The following TG variants were observed in gnomAD, a reference collection of about 807,000 sequenced individuals.
TG encodes thyroid hormones.
Under a neutral mutation model 324.7 loss-of-function variants are expected in TG, and 270 were observed. The ratio of observed to expected loss-of-function variants is 0.83; its 90% CI spans 0.75 to 0.92. The LOEUF (loss-of-function observed/expected upper bound fraction) is 0.92, where lower values mean the gene tolerates loss of function less well. Ranked by LOEUF, TG falls within the 40% of genes least tolerant of loss-of-function variation. TG has a pLI of 0.00. For synonymous variants in TG, 1,401 were observed against 1,327.0 expected (o/e 1.06, Z -1.21); for missense variants, 3,591 against 3,456.4 (o/e 1.04, Z -0.98).
chr8:133,003,477 A>G (rs1044926605), intron 35 of TG, among the ~76,000 whole-genome samples: 1 of 151,204 alleles, frequency 6.6e-6, no homozygotes, highest in Non-Finnish European at 1.5e-5. Flanking sequence ...AATGTGCCAT[A>G]TGTTAACTAT....
intron 11 of TG, among the ~76,000 whole-genome samples, chr8:132,897,232 T>G (rs1223793292): frequency 2.0e-5 from 3 of 152,216 alleles, no homozygotes; most frequent in Non-Finnish European, 4.4e-5. Flanking sequence ...TCTCATCCAT[T>G]AAATGGGATA....
At chr8:133,014,920 C>G (rs1834881359) in intron 37 of TG, among the ~76,000 whole-genome samples, 2 of 152,170 alleles carry the variant, frequency 1.3e-5, no homozygotes, top group African/African-American at 4.8e-5. Flanking sequence ...GAGTCTCACT[C>G]TGTCACTCAG....
intron 22 of TG, 59 bp downstream of exon 22, chr8:132,923,567 G>C: frequency 1.3e-6 from 2 of 1,554,262 alleles, no homozygotes; most frequent in Non-Finnish European, 1.7e-6. Context: ...AGTCTCAAGG[G>C]CTTTTTAGAA....
At chr8:132,998,739 G>T (rs1242406284) in intron 35 of TG, among the ~76,000 whole-genome samples, 1 of 152,198 alleles carries the variant, frequency 6.6e-6, no homozygotes, top group African/African-American at 2.4e-5. Flanking sequence ...GTGCAGCTTA[G>T]GAAAACTACA....
chr8:133,038,092 A>G (rs1297825885), intron 41 of TG: 1 of 175,530 alleles, frequency 5.7e-6, no homozygotes, highest in African/African-American at 2.4e-5. Flanking sequence ...TTCTGCCAGG[A>G]CACAGCTTTT....
chr8:132,908,870 G>C (rs78601803), intron 18 of TG, among the ~76,000 whole-genome samples: 1 of 152,172 alleles, frequency 6.6e-6, no homozygotes, highest in African/African-American at 2.4e-5. Flanking sequence ...GGACGGGAGT[G>C]AGGTAAGGCT....
intron 45 of TG, among the ~76,000 whole-genome samples, chr8:133,119,142 A>G (rs1850943814): frequency 6.6e-6 from 1 of 152,182 alleles, no homozygotes; most frequent in Non-Finnish European, 1.5e-5. Context: ...AAAAGTTTCA[A>G]TGGTTTTAAA....
intron 41 of TG, among the ~76,000 whole-genome samples, chr8:133,067,342 G>T (rs1243348863): frequency 1.3e-5 from 2 of 152,110 alleles, no homozygotes; most frequent in South Asian, 4.1e-4. Flanking sequence ...GCAGAGGAGG[G>T]CTGCGGCATA....
chr8:132,918,198 G>A (rs932103443), intron 20 of TG, among the ~76,000 whole-genome samples: 7 of 152,162 alleles, frequency 4.6e-5, no homozygotes, highest in Non-Finnish European at 1.0e-4. Context: ...ACAGACAAGA[G>A]TCTGGGACCT....
Position 132,901,506 on chromosome 8 carries a change from A to C in TG, c.3587A>C (p.Glu1196Ala). The C allele has an allele frequency of 1.2e-6, 2 of 1,614,012 alleles. No homozygotes were observed. The highest frequency in any genetic ancestry group is 1.7e-6 in the Non-Finnish European group (2 of 1,180,028). ...TGCTGGTGTGTCATGGACAGCGGAG[A>C]AGAGGTGCCTGGGACGCGCGTGACC... is the stretch of plus-strand genomic sequence containing the variant. ...GSCWCVMDSG[E>A]EVPGTRVTGG... is the part of the protein sequence containing the mutation. The change falls in exon 16 of 48, where the codon GAA becomes GCA. Residue 1196 changes from glutamate to alanine, a missense_variant. By Grantham distance (107) the Glu-to-Ala change is moderately radical. Coordinates refer to ENST00000220616, the MANE Select transcript of TG (RefSeq NM_003235.5).
At chr8:133,111,545 C>T (rs888952619) in intron 43 of TG, among the ~76,000 whole-genome samples, 5 of 152,052 alleles carry the variant, frequency 3.3e-5, no homozygotes, top group African/African-American at 9.7e-5. Context: ...GTAGAGTCCA[C>T]AAAATAGATT....
At chr8:133,106,948 T>C (rs923348620) in intron 43 of TG, among the ~76,000 whole-genome samples, 1 of 152,206 alleles carries the variant, frequency 6.6e-6, no homozygotes, top group African/African-American at 2.4e-5. Context: ...CCTGCAGCCA[T>C]GTGTTCTCAT....
intron 13 of TG, 86 bp from the exon 14 acceptor site, chr8:132,898,711 GA>G (rs996055340): frequency 8.9e-7 from 1 of 1,120,882 alleles, no homozygotes; most frequent in Non-Finnish European, 1.3e-6. Flanking sequence ...CCAGGCTCAT[GA>G]CCCTTAAAGG....
chr8:133,019,810 GT>G, intron 39 of TG, 115 bp downstream of exon 39: 1 of 878,214 alleles, frequency 1.1e-6, no homozygotes, highest in Non-Finnish European at 1.8e-6. Flanking sequence ...CTGAGCTGAG[GT>G]TAGGTGATTT....
chr8:132,942,534 C>T (rs1189716140), intron 26 of TG, among the ~76,000 whole-genome samples: 2 of 152,072 alleles, frequency 1.3e-5, no homozygotes, highest in Non-Finnish European at 2.9e-5. Flanking sequence ...AATTGATCAC[C>T]ATATATGTGC....
intron 35 of TG, among the ~76,000 whole-genome samples, chr8:132,991,164 G>T (rs1832282193): frequency 6.6e-6 from 1 of 151,994 alleles, no homozygotes; most frequent in Admixed American, 6.5e-5. Context: ...GTCCTGGAAG[G>T]GGGCAGACAG....
chr8:132,976,785 G>A (rs1027885310), intron 34 of TG, among the ~76,000 whole-genome samples: 4 of 152,196 alleles, frequency 2.6e-5, no homozygotes, highest in African/African-American at 9.7e-5. Flanking sequence ...GCTGTCACAA[G>A]GTTGTGTTGA....
intron 43 of TG, among the ~76,000 whole-genome samples, chr8:133,101,413 T>C (rs1020991342): frequency 2.6e-5 from 4 of 152,184 alleles, no homozygotes; most frequent in Non-Finnish European, 5.9e-5. Flanking sequence ...CCAAGAAGGC[T>C]CCATGGCACC....
Position 132,923,430 on chromosome 8 carries a change from G to T in TG, c.4621G>T (p.Ala1541Ser), listed in dbSNP as rs758336562. The part of the protein sequence containing the change: ...ASQKDRGSGK[A>S]FCVDGEGRRL... Reference sequence around the variant, plus strand: ...CCAGAAGGACAGGGGCAGTGGGAAGGCCTTCTGTGTGGACGGCGAGGGGCG... The same window carrying T: ...CCAGAAGGACAGGGGCAGTGGGAAGTCCTTCTGTGTGGACGGCGAGGGGCG... Residue 1541 changes from alanine to serine, a missense_variant, in exon 22 of 48, where the codon GCC becomes TCC. Physicochemically the swap from Ala to Ser is moderately conservative, Grantham distance 99. Transcript: ENST00000220616. The T allele has an allele frequency of 1.9e-6, 3 of 1,614,148 alleles. No homozygotes were observed. Among genetic ancestry groups the T allele is most frequent in the South Asian group, 2.2e-5 (2 of 91,084 alleles).
Sources: gnomAD v4.1 joint callset for allele counts (sites outside exome capture counted in the v4.1 genomes callset) on GRCh38, gnomAD v4.1.1 for gene constraint, MANE v1.5 for transcripts, NCBI Gene and HGNC (gene_info 2026-07-23, HGNC 2026-07-21) for gene names.